The following SEC31A variants were observed in gnomAD, a reference collection of about 807,000 sequenced individuals.
SEC31A encodes protein transport protein Sec31A.
In SEC31A, 70 loss-of-function variants were observed where a neutral mutation model predicts 151.0. The observed-to-expected ratio is 0.46, with a 90% CI of 0.38 to 0.57. The LOEUF (loss-of-function observed/expected upper bound fraction) is 0.57. SEC31A is among the 20% of genes least tolerant of loss of function. The probability of loss-of-function intolerance (pLI) is 0.00; values close to 1 mark genes in which losing one functional copy is unlikely to be tolerated. For synonymous variants in SEC31A, 475 were observed against 505.9 expected, an observed-to-expected ratio of 0.94 and a Z score of 0.82; for missense variants, 1,330 against 1,471.2, an observed-to-expected ratio of 0.90 and a Z score of 1.57.
chr4:82,862,490 TA>T, intron 13 of SEC31A, 43 bp downstream of exon 13: 1 of 1,524,986 alleles, frequency 6.6e-7, no homozygotes, highest in Non-Finnish European at 9.1e-7. Flanking sequence ...CGTTATGACC[TA>T]GCCAAAGTTT....
intron 18 of SEC31A, among the ~76,000 whole-genome samples, chr4:82,852,423 T>C (rs1037853502): frequency 1.3e-5 from 2 of 152,222 alleles, no homozygotes; most frequent in East Asian, 1.9e-4. Context: ...AGCTCTCATG[T>C]GCCATTCAAT....
chr4:82,857,152 T>C (rs1303954598), intron 15 of SEC31A, 22 bp from the exon 16 acceptor site: 4 of 1,601,444 alleles, frequency 2.5e-6, no homozygotes, highest in Middle Eastern at 3.3e-4. Context: ...AAATAATACA[T>C]CCAAGTTAAA....
rs1371992903 is a variant in SEC31A, at chr4:82,848,819, T to C, written c.2487A>G (p.Gln829=). 2.3e-5 allele frequency: 37 copies of C among 1,613,134 alleles called. No individual in the cohort carries two copies. Among genetic ancestry groups the C allele is most frequent in the Admixed American group, 6.7e-5 (4 of 59,712 alleles). Residue 829 remains glutamine (Q), a synonymous_variant, in exon 20 of 27, where the codon CAA becomes CAG. Transcript: ENST00000395310. ...TATCACTCACATGGGGATAATATTG[T>C]TGAGTTTGAACTCTTGGCATCTGGT... The part of the protein sequence containing the change: ...GHHQMPRVQT[Q]QYYPHGENPP...
At chr4:82,870,514 T>C in intron 7 of SEC31A, 90 bp from the exon 8 acceptor site, 1 of 1,017,510 alleles carries the variant, frequency 9.8e-7, no homozygotes, top group Non-Finnish European at 1.5e-6. Context: ...GATTCACACA[T>C]TGTTAACAGA....
intron 20 of SEC31A, chr4:82,845,097 T>C: frequency 1.4e-6 from 1 of 711,348 alleles, no homozygotes; most frequent in Admixed American, 2.5e-5. Flanking sequence ...GGCAGATGGA[T>C]GGGGAGTGGG....
At chr4:82,819,967 G>A (rs1335764497) in intron 26 of SEC31A, among the ~76,000 whole-genome samples, 3 of 151,944 alleles carry the variant, frequency 2.0e-5, no homozygotes, top group Admixed American at 1.3e-4. Context: ...TTGCCATGTT[G>A]GCCAGGCTGG....
Position 82,872,086 on chromosome 4 carries a change from T to A in SEC31A, c.640A>T (p.Met214Leu). 1.2e-6 allele frequency: 2 copies of A among 1,612,500 alleles called. No homozygotes were observed. The highest frequency in any genetic ancestry group is 1.7e-6 in the Non-Finnish European group (2 of 1,178,624). The change falls in exon 7 of 27, where the codon ATG becomes TTG. Residue 214 changes from methionine (M) to leucine (L), a missense_variant and splice_region_variant. Coordinates refer to ENST00000395310, the MANE Select transcript of SEC31A (RefSeq NM_001077207.4). The part of the protein sequence containing the change: ...IIKVSDHSNR[M>L]HCSGLAWHPD... Reference sequence around the variant, plus strand: ...TGCCATGCCAACCCAGAACAATGCATCTGAAGATAGTTAAGGTTCACATTT... The same window carrying A: ...TGCCATGCCAACCCAGAACAATGCAACTGAAGATAGTTAAGGTTCACATTT...
At chr4:82,871,280 G>A in intron 7 of SEC31A, 1 of 1,375,802 alleles carries the variant, frequency 7.3e-7, no homozygotes, top group Non-Finnish European at 9.5e-7. Flanking sequence ...TATCCTATTT[G>A]TATAAAAATT....
chr4:82,884,366 C>T (rs1740155825), intron 1 of SEC31A, among the ~76,000 whole-genome samples: 1 of 152,038 alleles, frequency 6.6e-6, no homozygotes, highest in South Asian at 2.1e-4. Context: ...TTTCTTTTCA[C>T]CTTTCATAGG....
intron 10 of SEC31A, among the ~76,000 whole-genome samples, chr4:82,866,514 T>C (rs1300809636): frequency 6.6e-6 from 1 of 151,864 alleles, no homozygotes; most frequent in Admixed American, 6.6e-5. Context: ...GGGAGGAATA[T>C]AAAGTGTTGG....
chr4:82,869,249 A>G (rs1373990261), intron 8 of SEC31A, among the ~76,000 whole-genome samples: 1 of 150,340 alleles, frequency 6.7e-6, no homozygotes, highest in Non-Finnish European at 1.5e-5. Flanking sequence ...CCTCCCTAGT[A>G]GCTGGGACTA....
At chr4:82,857,222 T>C in intron 15 of SEC31A, 92 bp from the exon 16 acceptor site, 1 of 1,063,852 alleles carries the variant, frequency 9.4e-7, no homozygotes, top group South Asian at 1.5e-5. Context: ...TTTATATATA[T>C]ACATGAATGG....
intron 12 of SEC31A, chr4:82,863,114 T>C: frequency 2.1e-6 from 1 of 486,176 alleles, no homozygotes; most frequent in East Asian, 3.8e-5. Flanking sequence ...TACATAGTCA[T>C]TTATCAATAT....
chr4:82,865,958 C>A (rs1735270558), intron 10 of SEC31A, among the ~76,000 whole-genome samples: 1 of 150,904 alleles, frequency 6.6e-6, no homozygotes, highest in Non-Finnish European at 1.5e-5. Flanking sequence ...TTATATTATG[C>A]ATTTTTTACA....
chr4:82,861,747 T>A, intron 13 of SEC31A, 39 bp from the exon 14 acceptor site: 1 of 1,431,500 alleles, frequency 7.0e-7, no homozygotes, highest in East Asian at 2.3e-5. Flanking sequence ...AGGTGAAGAA[T>A]GTAGTATTAA....
Position 82,878,845 on chromosome 4 carries a change from C to T in SEC31A, c.287G>A (p.Gly96Glu), listed in dbSNP as rs1738605709. 2 of 1,613,902 alleles carry T rather than the reference C, an allele frequency of 1.2e-6. No homozygotes were observed. The highest frequency in any genetic ancestry group is 8.5e-7 in the Non-Finnish European group (1 of 1,179,832). ...AGAAGGATCATAGAGAATAATATTT[C>T]CATTTTCACCACCTGCAATCAGAAC... ...SGVLIAGGEN[G>E]NIILYDPSKI... Residue 96 changes from glycine (G) to glutamate (E), a missense_variant, in exon 4 of 27, where the codon GGA becomes GAA. Coordinates refer to ENST00000395310, the MANE Select transcript of SEC31A (RefSeq NM_001077207.4).
At chr4:82,829,873 T>C (rs547732602) in intron 22 of SEC31A, among the ~76,000 whole-genome samples, 12 of 152,216 alleles carry the variant, frequency 7.9e-5, no homozygotes, top group Non-Finnish European at 1.6e-4. Flanking sequence ...GAATACAACA[T>C]GCTGGAAATA....
chr4:82,837,473 T>A (rs1349040685), intron 22 of SEC31A, among the ~76,000 whole-genome samples: 1 of 151,948 alleles, frequency 6.6e-6, no homozygotes, highest in Non-Finnish European at 1.5e-5. Context: ...AACCTCTGTC[T>A]CCCGGGTTCA....
upstream of SEC31A, chr4:82,894,821 ATTC>A (rs1719996457): frequency 6.6e-6 from 1 of 152,220 alleles, no homozygotes; most frequent in East Asian, 1.9e-4. Context: ...CTGATGTCTT[ATTC>A]TTCTTAGTGC....
Sources: gnomAD v4.1 joint callset for allele counts (sites outside exome capture counted in the v4.1 genomes callset) on GRCh38, gnomAD v4.1.1 for gene constraint, MANE v1.5 for transcripts, NCBI Gene and HGNC (gene_info 2026-07-23, HGNC 2026-07-21) for gene names.